Variants in ITGBL1 observed in about 807,000 individuals in gnomAD.
ITGBL1 encodes integrin beta-like protein 1.
A neutral mutation model predicts 68.5 loss-of-function variants in ITGBL1; 51 were observed. That is an observed-to-expected ratio of 0.74 (90% confidence interval 0.59 to 0.94). The LOEUF is 0.94. ITGBL1 is among the 40% of genes least tolerant of loss of function. ITGBL1 has a pLI of 0.00. For missense variants in ITGBL1, 649 were observed against 647.4 expected, an observed-to-expected ratio of 1.00 and a Z score of -0.03; for synonymous variants, 209 against 227.3, an observed-to-expected ratio of 0.92 and a Z score of 0.72.
intron 6 of ITGBL1, among the ~76,000 whole-genome samples, chr13:101,592,780 A>G (rs1415619260): frequency 6.6e-6 from 1 of 152,128 alleles, no homozygotes; most frequent in African/African-American, 2.4e-5. Flanking sequence ...AATCAACTGA[A>G]AATGCATTAA....
chr13:101,596,190 CAAA>C, intron 6 of ITGBL1, among the ~76,000 whole-genome samples: 1 of 151,700 alleles, frequency 6.6e-6, no homozygotes, highest in South Asian at 2.1e-4. Context: ...CAGACATAGA[CAAA>C]AAAACACTGC....
rs566416739 is a variant in ITGBL1 at position 101,572,725 on chromosome 13, G to T, written c.464-2699G>T. On this transcript the variant is annotated intron_variant, in intron 3 of 10. Transcript: ENST00000376180. ...CTGTTGTAAACTTCCCACATCAGCC[G>T]GGAATGTTTCCGATGTGTGGATGAG... Among the ~76,000 whole-genome samples, 6 of 152,152 alleles carry T rather than the reference G, an allele frequency of 3.9e-5. No homozygotes were observed. The East Asian group carries it at 1.2e-3, about 29-fold the overall frequency.
chr13:101,510,003 T>A (rs1202640253), intron 2 of ITGBL1, among the ~76,000 whole-genome samples: 1 of 152,152 alleles, frequency 6.6e-6, no homozygotes. Context: ...TTCTCTTTTT[T>A]TTCTTTAGGA....
chr13:101,529,219 G>GA lies in ITGBL1; in HGVS notation c.317-38478dup, dbSNP rs1377874105. ...AATTTGAGAGAGAAATTGAAACGTGGAATATGAATAAAGAACTTCTTAAAT... is the reference window on the plus strand; with the variant it reads ...AATTTGAGAGAGAAATTGAAACGTGGAAATATGAATAAAGAACTTCTTAAAT... On this transcript the variant is annotated intron_variant, in intron 2 of 10. Coordinates refer to ENST00000376180, the MANE Select transcript of ITGBL1 (RefSeq NM_004791.3). 4.6e-5 allele frequency among the ~76,000 whole-genome samples: 7 copies of GA among 151,720 alleles called. No homozygotes were observed. In the East Asian group the frequency reaches 1.4e-3, roughly 29 times the overall value.
At chr13:101,672,139 CATT>C (rs1235941521) in intron 7 of ITGBL1, among the ~76,000 whole-genome samples, 1 of 152,134 alleles carries the variant, frequency 6.6e-6, no homozygotes, top group Non-Finnish European at 1.5e-5. Flanking sequence ...ATCTTATTCT[CATT>C]ATCTTTAGTA....
At chr13:101,611,107 T>G (rs2031106245) in intron 7 of ITGBL1, among the ~76,000 whole-genome samples, 1 of 152,110 alleles carries the variant, frequency 6.6e-6, no homozygotes, top group Admixed American at 6.6e-5. Flanking sequence ...TGTCTCTCCC[T>G]CCCACCTAAC....
chr13:101,497,663 C>T (rs2048876320), intron 2 of ITGBL1, among the ~76,000 whole-genome samples: 1 of 152,162 alleles, frequency 6.6e-6, no homozygotes, highest in African/African-American at 2.4e-5. Flanking sequence ...CAAAGGTGCT[C>T]ACTGTCTCTA....
intron 8 of ITGBL1, among the ~76,000 whole-genome samples, chr13:101,701,561 TAAA>T (rs1234789774): frequency 1.3e-5 from 2 of 151,950 alleles, no homozygotes; most frequent in African/African-American, 2.4e-5. Flanking sequence ...AATAAATAAA[TAAA>T]AAATCATCTA....
intron 7 of ITGBL1, among the ~76,000 whole-genome samples, chr13:101,636,120 T>C (rs924204397): frequency 1.3e-5 from 2 of 152,140 alleles, no homozygotes; most frequent in African/African-American, 4.8e-5. Flanking sequence ...AATACACTTT[T>C]GAGTTTTCAG....
chr13:101,532,190 G>A (rs2049495408), intron 2 of ITGBL1, among the ~76,000 whole-genome samples: 1 of 152,026 alleles, frequency 6.6e-6, no homozygotes, highest in African/African-American at 2.4e-5. Flanking sequence ...TATGGTTGCT[G>A]TTGAATAAAT....
chr13:101,470,785 A>G (rs1301948597), intron 2 of ITGBL1, among the ~76,000 whole-genome samples: 5 of 152,172 alleles, frequency 3.3e-5, no homozygotes, highest in African/African-American at 7.2e-5. Flanking sequence ...TTAAAAATCT[A>G]TTTAATTATA....
intron 2 of ITGBL1, among the ~76,000 whole-genome samples, chr13:101,533,847 T>C (rs960424598): frequency 1.3e-5 from 2 of 152,250 alleles, no homozygotes; most frequent in African/African-American, 4.8e-5. Context: ...ACAATCTATT[T>C]GGCTGCTACT....
chr13:101,630,252 G>A (rs944243523), intron 7 of ITGBL1, among the ~76,000 whole-genome samples: 10 of 151,934 alleles, frequency 6.6e-5, no homozygotes, highest in Admixed American at 6.6e-4. Context: ...GTTTACCTTT[G>A]TTATTTAAAA....
chr13:101,545,150 G>A (rs1482201880), intron 2 of ITGBL1, among the ~76,000 whole-genome samples: 1 of 152,170 alleles, frequency 6.6e-6, no homozygotes, highest in Non-Finnish European at 1.5e-5. Flanking sequence ...CGCTCACACT[G>A]GGAGCTGTAG....
chr13:101,490,185 T>C (rs200106652), intron 2 of ITGBL1, among the ~76,000 whole-genome samples: 2 of 152,024 alleles, frequency 1.3e-5, no homozygotes, highest in Non-Finnish European at 2.9e-5. Flanking sequence ...ATCAGTACCT[T>C]TATAAGAGAA....
At chr13:101,595,594 T>A (rs564035164) in intron 6 of ITGBL1, among the ~76,000 whole-genome samples, 1 of 152,022 alleles carries the variant, frequency 6.6e-6, no homozygotes, top group Non-Finnish European at 1.5e-5. Context: ...AGTGGGTATA[T>A]GAAAAAAGTG....
chr13:101,568,373 G>A (rs149126270), intron 3 of ITGBL1, among the ~76,000 whole-genome samples: 40 of 152,116 alleles, frequency 2.6e-4, no homozygotes, highest in African/African-American at 9.4e-4. Context: ...CAAAATTGTA[G>A]CAATGCTGTT....
At chr13:101,583,948 A>G (rs2050507694) in intron 6 of ITGBL1, among the ~76,000 whole-genome samples, 1 of 152,226 alleles carries the variant, frequency 6.6e-6, no homozygotes, top group Admixed American at 6.5e-5. Context: ...CTGAGACTAC[A>G]AAACTAGCAG....
chr13:101,459,701 C>A (rs1212879939), intron 2 of ITGBL1, among the ~76,000 whole-genome samples: 3 of 152,048 alleles, frequency 2.0e-5, no homozygotes, highest in Non-Finnish European at 4.4e-5. Context: ...GATCATGCCA[C>A]CGCACTGCAG....
Sources: gnomAD v4.1 joint callset for allele counts (sites outside exome capture counted in the v4.1 genomes callset) on GRCh38, gnomAD v4.1.1 for gene constraint, MANE v1.5 for transcripts, NCBI Gene and HGNC (gene_info 2026-07-23, HGNC 2026-07-21) for gene names.